PLCD1: variants seen among roughly 807,000 people sequenced by gnomAD.
PLCD1 encodes the protein 1-phosphatidylinositol 4,5-bisphosphate phosphodiesterase delta-1.
In PLCD1, 71 loss-of-function variants were observed where a neutral mutation model predicts 87.4. That is an observed-to-expected ratio of 0.81 (90% CI 0.67 to 0.99). The LOEUF (loss-of-function observed/expected upper bound fraction) is 0.99. Among genes scored for constraint, PLCD1 ranks in the 50% least tolerant of loss-of-function variants. The probability of loss-of-function intolerance (pLI) is 0.00; values close to 1 mark genes in which losing one functional copy is unlikely to be tolerated. For missense variants in PLCD1, 867 were observed against 1,001.5 expected (o/e 0.87, Z 1.81); for synonymous variants, 348 against 399.2 (o/e 0.87, Z 1.53).
At chr3:38,015,209 AAG>A (rs1288571799) in intron 3 of PLCD1, among the ~76,000 whole-genome samples, 1 of 152,218 alleles carries the variant, frequency 6.6e-6, no homozygotes, top group Non-Finnish European at 1.5e-5. Flanking sequence ...TCATCTGGTG[AAG>A]AGATACATGT....
At position 38,020,257 on chromosome 3, in the gene PLCD1, A is replaced by G. The variant is rs61751648; in HGVS notation, c.130T>C (p.Leu44=). 0.059 allele frequency: 95,777 copies of G among 1,613,872 alleles called. 3,453 individuals are homozygous for G. Among genetic ancestry groups the G allele is most frequent in the African/African-American group, 0.14 (10,713 of 74,982 alleles). The change falls in exon 2 of 15, where the codon TTG becomes CTG. Residue 44 remains leucine (L), a synonymous_variant. Coordinates refer to ENST00000334661, the MANE Select transcript of PLCD1 (RefSeq NM_006225.4). ...CAGATGGTCTTGCAGTCCTCCTGCAACTTGTAGAAGCGCTCTCTCCTCCAT... is the reference window on the plus strand; with the variant it reads ...CAGATGGTCTTGCAGTCCTCCTGCAGCTTGTAGAAGCGCTCTCTCCTCCAT... The part of the protein sequence containing the change: ...SSWRRERFYK[L]QEDCKTIWQE...
rs1700171844 is a variant in PLCD1 at position 38,017,225 on chromosome 3, C to T, written c.200-506G>A. Among the ~76,000 whole-genome samples the T allele has an allele frequency of 6.6e-6, 1 of 152,134 alleles. No individual in the cohort carries two copies. The highest frequency in any genetic ancestry group is 1.5e-5 in the Non-Finnish European group (1 of 68,016). On this transcript the variant is annotated intron_variant, in intron 2 of 14. Coordinates refer to ENST00000334661, the MANE Select transcript of PLCD1 (RefSeq NM_006225.4). The surrounding 1 kb of genome is among the most constrained non-coding windows in gnomAD (Gnocchi z 4.7). Reference sequence around the variant, plus strand: ...GACCCGATAAAGCCACAAGAGCCACCAGGCCCCTCTCCTGAACATTCAAGA... The same window carrying T: ...GACCCGATAAAGCCACAAGAGCCACTAGGCCCCTCTCCTGAACATTCAAGA...
At chr3:38,026,747 G>A (rs762287381) in intron 1 of PLCD1, among the ~76,000 whole-genome samples, 30 of 152,198 alleles carry the variant, frequency 2.0e-4, no homozygotes, top group Non-Finnish European at 4.0e-4. Context: ...TCATCTCTTG[G>A]AGGACTGGTT....
chr3:38,011,083 C>T, intron 5 of PLCD1, 131 bp downstream of exon 5: 2 of 663,068 alleles, frequency 3.0e-6, no homozygotes, highest in South Asian at 3.8e-5. Context: ...AAGTGTGGAG[C>T]AGGGCCCCGG....
chr3:38,009,273 T>C lies in PLCD1; in HGVS notation c.1605A>G (p.Ser535=), dbSNP rs1700027467. 6 of 1,614,104 alleles carry C rather than the reference T, an allele frequency of 3.7e-6. 1 individual carries two copies. Among genetic ancestry groups the C allele is most frequent in the Non-Finnish European group, 5.1e-6 (6 of 1,179,998 alleles). ...GAGTGGTGGGGAGCCAGGCCTCACCTGATTCTTGGAGCAGTCGAAGGGCAC... is the reference window on the plus strand; with the variant it reads ...GAGTGGTGGGGAGCCAGGCCTCACCCGATTCTTGGAGCAGTCGAAGGGCAC... The part of the protein sequence containing the change: ...ENRALRLLQE[S]GNGFVRHNVG... The change falls in exon 10 of 15, where the codon TCA becomes TCG. Residue 535 remains serine, a splice_region_variant and synonymous_variant. Transcript: ENST00000334661.
chr3:38,008,893 C>T (rs1700014773), intron 11 of PLCD1, 149 bp downstream of exon 11: 1 of 696,632 alleles, frequency 1.4e-6, no homozygotes, highest in Non-Finnish European at 2.5e-6. Flanking sequence ...GCAGATATTT[C>T]CAGACTGATA....
At chr3:38,008,210 A>G in intron 13 of PLCD1, 25 bp downstream of exon 13, 1 of 1,613,828 alleles carries the variant, frequency 6.2e-7, no homozygotes, top group Non-Finnish European at 8.5e-7. Flanking sequence ...CAGCCCTAGT[A>G]GCCCAGCCCA....
intron 1 of PLCD1, among the ~76,000 whole-genome samples, chr3:38,027,953 G>A (rs1161416667): frequency 6.6e-6 from 1 of 152,238 alleles, no homozygotes; most frequent in East Asian, 1.9e-4. Context: ...GACTGAGTTA[G>A]GCATTTGGGA....
At position 38,025,938 on chromosome 3, in the gene PLCD1, G is replaced by A. The variant is rs1700303809; in HGVS notation, c.34+3568C>T. Among the ~76,000 whole-genome samples the A allele has an allele frequency of 6.6e-6, 1 of 152,220 alleles. No homozygotes were observed. Among genetic ancestry groups the A allele is most frequent in the African/African-American group, 2.4e-5 (1 of 41,456 alleles). ...GTTATTGGCACAGACAAGCACAGCA[G>A]TAATAACAAGAAACTGAAGCGCAGA... On this transcript the variant is annotated intron_variant, in intron 1 of 14. Coordinates refer to ENST00000334661, the MANE Select transcript of PLCD1 (RefSeq NM_006225.4). The surrounding 1 kb of genome is among the most constrained non-coding windows in gnomAD (Gnocchi z 4.0).
In PLCD1 at chr3:38,008,316, C is replaced by T. The variant is rs992723441; in HGVS notation, c.1954G>A (p.Val652Met). ...ATCTCCACTGTCACTTTGGGGTCCACAATTGAATTCTTATTCTTGTTGACT... is the reference window on the plus strand; with the variant it reads ...ATCTCCACTGTCACTTTGGGGTCCATAATTGAATTCTTATTCTTGTTGACT... Reference protein sequence around the residue: ...PKVNKNKNSIVDPKVTVEIHG... With the variant: ...PKVNKNKNSIMDPKVTVEIHG... The change falls in exon 13 of 15, where the codon GTG (valine) becomes ATG (methionine). Residue 652 changes from valine (V) to methionine (M), a missense_variant. By Grantham distance (21) the Val-to-Met change is conservative (BLOSUM62 1). Coordinates refer to ENST00000334661, the MANE Select transcript of PLCD1 (RefSeq NM_006225.4). The T allele has an allele frequency of 6.2e-7, 1 of 1,614,128 alleles. No individual in the cohort carries two copies. The highest frequency in any genetic ancestry group is 1.7e-5 in the Admixed American group (1 of 60,010).
chr3:38,025,710 G>T lies in PLCD1; in HGVS notation c.34+3796C>A, dbSNP rs1255034150. ...TTGCACAAAACTTTGCTGCCAATAT[G>T]CTCGGGAACAGTGGGTCCTTTCATG... On this transcript the variant is annotated intron_variant, in intron 1 of 14. Transcript: ENST00000334661. This position sits in a 1 kb window ranked among gnomAD's most constrained non-coding sequence, Gnocchi z 4.0. Among the ~76,000 whole-genome samples, 1 of 152,196 alleles carries T rather than the reference G, an allele frequency of 6.6e-6. No individual in the cohort carries two copies. Among genetic ancestry groups the T allele is most frequent in the African/African-American group, 2.4e-5 (1 of 41,450 alleles).
chr3:38,009,243 C>T (rs771728906), intron 10 of PLCD1, 29 bp downstream of exon 10: 1 of 1,613,982 alleles, frequency 6.2e-7, no homozygotes. Context: ...TGTAACAGAG[C>T]AGGGGAGTGG....
chr3:38,024,155 C>A (rs1335332954), intron 1 of PLCD1: 2 of 617,192 alleles, frequency 3.2e-6, no homozygotes, highest in African/African-American at 1.9e-5. Context: ...CTAGTACTCA[C>A]CCCGACGTGC....
In PLCD1 at chr3:38,025,286, C is replaced by G. The variant is rs117601377; in HGVS notation, c.34+4220G>C. On this transcript the variant is annotated intron_variant, in intron 1 of 14. Coordinates refer to ENST00000334661, the MANE Select transcript of PLCD1 (RefSeq NM_006225.4). This position sits in a 1 kb window ranked among gnomAD's most constrained non-coding sequence, Gnocchi z 4.0. ...TGTGGGCGGGGTCTGACCAAGGAGC[C>G]GGAGCGGCGAATTCTAACGCCACCT... Among the ~76,000 whole-genome samples, 93 of 152,314 alleles carry G rather than the reference C, an allele frequency of 6.1e-4. 1 individual carries two copies. In the East Asian group the frequency reaches 0.017, roughly 28 times the overall value.
At chr3:38,016,888 A>C (rs1409886611) in intron 2 of PLCD1, among the ~76,000 whole-genome samples, 169 bp from the exon 3 acceptor site, 1 of 152,208 alleles carries the variant, frequency 6.6e-6, no homozygotes, top group East Asian at 1.9e-4. Context: ...AGGAGGTTGG[A>C]CAAGTGGGGG....
chr3:38,007,958 G>T, intron 14 of PLCD1, 56 bp downstream of exon 14: 1 of 1,612,254 alleles, frequency 6.2e-7, no homozygotes, highest in Non-Finnish European at 8.5e-7. Context: ...CCCAGCCCAA[G>T]AGACGCCAGG....
intron 2 of PLCD1, among the ~76,000 whole-genome samples, chr3:38,019,212 A>G (rs1169168097): frequency 6.6e-6 from 1 of 152,186 alleles, no homozygotes; most frequent in Non-Finnish European, 1.5e-5. Flanking sequence ...AGGGATCTCC[A>G]GGGGCCTGGC....
At chr3:38,015,903 C>T (rs1312443239) in intron 3 of PLCD1, among the ~76,000 whole-genome samples, 1 of 152,188 alleles carries the variant, frequency 6.6e-6, no homozygotes, top group Non-Finnish European at 1.5e-5. Flanking sequence ...CTGCTCCCCT[C>T]AGGCTCCCCA....
chr3:38,008,915 A>C, intron 11 of PLCD1, 127 bp downstream of exon 11: 3 of 771,946 alleles, frequency 3.9e-6, no homozygotes, highest in South Asian at 3.1e-5. Flanking sequence ...TACCAGCTCC[A>C]CAAGCCCCTG....
Sources: gnomAD v4.1 joint callset for allele counts (sites outside exome capture counted in the v4.1 genomes callset) on GRCh38, gnomAD v4.1.1 for gene constraint, Gnocchi (gnomAD v3.1) non-coding constraint, MANE v1.5 for transcripts, NCBI Gene and HGNC (gene_info 2026-07-23, HGNC 2026-07-21) for gene names.